CACNA1C: variants seen among roughly 807,000 people sequenced by gnomAD.
CACNA1C encodes the protein voltage-dependent L-type calcium channel subunit alpha-1C.
CACNA1C carries 30 observed loss-of-function variants against 229.0 expected under a neutral mutation model. The observed-to-expected ratio is 0.13, with a 90% CI of 0.10 to 0.18. The LOEUF is 0.18. Among genes scored for constraint, CACNA1C ranks in the 10% least tolerant of loss-of-function variants. The pLI is 1.00. For synonymous variants in CACNA1C, 1,114 were observed against 1,132.5 expected, an observed-to-expected ratio of 0.98 and a Z score of 0.33; for missense variants, 1,658 against 2,845.0, an observed-to-expected ratio of 0.58 and a Z score of 9.49.
chr12:2,087,155 CTGATCT>C (rs2068017309), intron 1 of CACNA1C, among the ~76,000 whole-genome samples: 1 of 152,198 alleles, frequency 6.6e-6, no homozygotes, highest in Non-Finnish European at 1.5e-5. Context: ...GCTGGCCTGT[CTGATCT>C]TGACTCCTCA....
At position 2,598,686 on chromosome 12, in the gene CACNA1C, C is replaced by T. The variant is rs75844502; in HGVS notation, c.2853+1397C>T. 9.0e-3 allele frequency among the ~76,000 whole-genome samples: 1,376 copies of T among 152,332 alleles called. 11 individuals are homozygous for T. Among genetic ancestry groups the T allele is most frequent in the Non-Finnish European group, 0.014 (969 of 68,040 alleles). ...ACTGCCAGCTGCAGGCCTCTCCTTCCCTGATGAGACTCCCTCATCATGGCC... is the reference window on the plus strand; with the variant it reads ...ACTGCCAGCTGCAGGCCTCTCCTTCTCTGATGAGACTCCCTCATCATGGCC... On this transcript the variant is annotated intron_variant, in intron 21 of 46. Coordinates refer to ENST00000399655, the MANE Select transcript of CACNA1C (RefSeq NM_000719.7).
intron 3 of CACNA1C, among the ~76,000 whole-genome samples, chr12:2,444,397 A>C (rs2099257566): frequency 6.6e-6 from 1 of 152,146 alleles, no homozygotes; most frequent in Non-Finnish European, 1.5e-5. Context: ...ATAAATTCGC[A>C]TAATGTGAAG....
chr12:2,691,109 G>A lies in CACNA1C; in HGVS notation c.6327G>A (p.Gly2109=). Residue 2109 remains glycine (G), a synonymous_variant, in exon 47 of 47, where the codon GGG becomes GGA. Transcript: ENST00000399655. The part of the protein sequence containing the change: ...NCRDAGQDRA[G]GEEDAGCVRA... ...GGGACGCGGGGCAGGACCGAGCCGG[G>A]GGCGAAGAGGACGCGGGCTGTGTGC... 1 of 1,612,102 alleles carries A rather than the reference G, an allele frequency of 6.2e-7. No homozygotes were observed. Among genetic ancestry groups the A allele is most frequent in the East Asian group, 2.2e-5 (1 of 44,816 alleles).
At chr12:2,425,456 A>G (rs2099020814) in intron 3 of CACNA1C, among the ~76,000 whole-genome samples, 1 of 152,214 alleles carries the variant, frequency 6.6e-6, no homozygotes, top group African/African-American at 2.4e-5. Context: ...TAAATTTATA[A>G]CATAGAATTT....
chr12:2,450,441 C>T (rs1340280365), intron 4 of CACNA1C, among the ~76,000 whole-genome samples: 1 of 149,894 alleles, frequency 6.7e-6, no homozygotes, highest in Non-Finnish European at 1.5e-5. Flanking sequence ...GTAGTCCCAG[C>T]TACTCGGGAG....
rs772243944 is a variant in CACNA1C, at chr12:2,677,070, CT to C, written c.4829-23del. On this transcript the variant is annotated intron_variant, in intron 39 of 46. Coordinates refer to ENST00000399655, the MANE Select transcript of CACNA1C (RefSeq NM_000719.7). This position sits in a 1 kb window ranked among gnomAD's most constrained non-coding sequence, Gnocchi z 7.4. ...AATTCCCCTGCTCCCCTCTTACCCC[CT>C]CTCCCCTCTCCATACGTCTCAGATG... 2.4e-5 allele frequency: 38 copies of C among 1,607,176 alleles called. No homozygotes were observed. In the South Asian group the frequency reaches 2.6e-4, roughly 11 times the overall value.
intron 34 of CACNA1C, 128 bp from the exon 35 acceptor site, chr12:2,664,697 G>A (rs2095977277): frequency 7.7e-6 from 5 of 651,180 alleles, no homozygotes; most frequent in Non-Finnish European, 1.2e-5. Context: ...AGGGAATGAT[G>A]AACATCAAGT....
intron 3 of CACNA1C, among the ~76,000 whole-genome samples, chr12:2,384,976 A>G (rs1268104199): frequency 6.6e-6 from 1 of 152,166 alleles, no homozygotes. Flanking sequence ...AGCCTCAGGG[A>G]GGGGAGCCAA....
chr12:2,041,114 A>C (rs766381703), intron 1 of CACNA1C, among the ~76,000 whole-genome samples: 2 of 152,162 alleles, frequency 1.3e-5, no homozygotes, highest in East Asian at 1.9e-4. Flanking sequence ...AAAGGGTAGA[A>C]ATAGGCAGTG....
rs375921315 is a variant in CACNA1C at position 2,578,115 on chromosome 12, G to A, written c.1896-3475G>A. Among the ~76,000 whole-genome samples the A allele has an allele frequency of 7.9e-5, 12 of 152,166 alleles. No homozygotes were observed. The South Asian group carries it at 1.7e-3, about 21-fold the overall frequency. On this transcript the variant is annotated intron_variant, in intron 13 of 46. Coordinates refer to ENST00000399655, the MANE Select transcript of CACNA1C (RefSeq NM_000719.7). ...GATCTCCTGACCTCGTGATCCGCCC[G>A]CCTCGGCCTCCCAAAGTGCTGGGAT...
chr12:2,576,297 C>T (rs938510513), intron 13 of CACNA1C, among the ~76,000 whole-genome samples: 12 of 152,118 alleles, frequency 7.9e-5, no homozygotes, highest in African/African-American at 1.9e-4. Context: ...CCAATGATGG[C>T]GACGCAGGCA....
intron 4 of CACNA1C, among the ~76,000 whole-genome samples, chr12:2,453,471 G>A (rs1567775067): frequency 6.6e-6 from 1 of 152,146 alleles, no homozygotes; most frequent in Non-Finnish European, 1.5e-5. Flanking sequence ...ACACGACCCA[G>A]CGTGTAGTGC....
At chr12:2,380,111 C>G (rs1217056107) in intron 3 of CACNA1C, among the ~76,000 whole-genome samples, 1 of 151,918 alleles carries the variant, frequency 6.6e-6, no homozygotes, top group African/African-American at 2.4e-5. Context: ...ACGTGATGGT[C>G]AAGTCAGCTT....
At chr12:2,434,087 G>A (rs999314334) in intron 3 of CACNA1C, among the ~76,000 whole-genome samples, 30 of 152,060 alleles carry the variant, frequency 2.0e-4, no homozygotes, top group African/African-American at 7.3e-4. Context: ...TGCTGCACTG[G>A]GGAGTCTCAC....
intron 20 of CACNA1C, among the ~76,000 whole-genome samples, chr12:2,596,553 C>T (rs908167315): frequency 6.6e-6 from 1 of 152,206 alleles, no homozygotes; most frequent in Non-Finnish European, 1.5e-5. Context: ...GAAGACAGCC[C>T]GCTGATCTAA....
chr12:2,024,188 G>T lies in CACNA1C; in HGVS notation c.139+52987G>T, dbSNP rs1224899859. Among the ~76,000 whole-genome samples, 3 of 152,178 alleles carry T rather than the reference G, an allele frequency of 2.0e-5. No homozygotes were observed. The East Asian group carries it at 5.8e-4, about 29-fold the overall frequency. On this transcript the variant is annotated intron_variant, in intron 1 of 46. Coordinates refer to the CACNA1C transcript ENST00000682462. ...TGCACTGCAAGCCCTGTGGCAGAAT[G>T]ATATACAGGAAAACCTGAGGCTCAT...
chr12:2,082,140 C>T (rs2154054902), intron 1 of CACNA1C, among the ~76,000 whole-genome samples: 1 of 152,276 alleles, frequency 6.6e-6, no homozygotes, highest in South Asian at 2.1e-4. Context: ...TGAGGTTAAA[C>T]TATAATAAGC....
At position 2,585,414 on chromosome 12, in the gene CACNA1C, A is replaced by G; in HGVS notation, c.2378A>G (p.Lys793Arg). ...SPEKKQELVE[K>R]PAVGESKEEK... Reference sequence around the variant, plus strand: ...GAGAAGAAACAAGAGTTGGTGGAGAAGCCGGCAGTGGGGGAATCCAAGGAG... The same window carrying G: ...GAGAAGAAACAAGAGTTGGTGGAGAGGCCGGCAGTGGGGGAATCCAAGGAG... Residue 793 changes from lysine (K) to arginine (R), a missense_variant, in exon 17 of 47, where the codon AAG becomes AGG. This residue lies in a region of CACNA1C where 121 missense variants were observed against 128.8 expected (regional missense o/e 0.94). Transcript: ENST00000399655. The surrounding 1 kb of genome is among the most constrained non-coding windows in gnomAD (Gnocchi z 4.1). 3.1e-6 allele frequency: 5 copies of G among 1,610,918 alleles called. No individual in the cohort carries two copies. Among genetic ancestry groups the G allele is most frequent in the Admixed American group, 1.7e-5 (1 of 59,696 alleles).
chr12:2,058,089 T>C (rs898475581), intron 1 of CACNA1C, among the ~76,000 whole-genome samples: 19 of 152,230 alleles, frequency 1.2e-4, no homozygotes, highest in Non-Finnish European at 2.6e-4. Flanking sequence ...AGTGATGTTT[T>C]CCAGCGCCTG....
Sources: allele counts gnomAD v4.1 joint callset (sites outside exome capture counted in the v4.1 genomes callset), GRCh38; gene constraint gnomAD v4.1.1; regional missense constraint gnomAD v4.1.1; non-coding constraint Gnocchi (gnomAD v3.1); transcripts MANE v1.5; gene names NCBI Gene and HGNC (gene_info 2026-07-23, HGNC 2026-07-21).